Variants in JAK1 observed in about 807,000 individuals in gnomAD.
JAK1 encodes the protein tyrosine-protein kinase JAK1.
Under a neutral mutation model 136.6 loss-of-function variants are expected in JAK1, and 16 were observed. The ratio of observed to expected loss-of-function variants is 0.12; its 90% CI spans 0.08 to 0.18. The LOEUF (loss-of-function observed/expected upper bound fraction) is 0.18. JAK1 is among the 10% of genes least tolerant of loss of function. JAK1 has a pLI of 1.00. For missense variants in JAK1, 859 were observed against 1,450.1 expected (o/e 0.59, Z 6.62); for synonymous variants, 492 against 519.5 (o/e 0.95, Z 0.72).
chr1:64,842,666 C>G (rs1462636775), intron 17 of JAK1, among the ~76,000 whole-genome samples: 2 of 152,198 alleles, frequency 1.3e-5, no homozygotes, highest in African/African-American at 2.4e-5. Context: ...ACCCTGTATG[C>G]TGTTCAGCCC....
Position 64,976,188 on chromosome 1 carries a change from A to G in JAK1, c.-78+68292T>C, listed in dbSNP as rs1646496234. Among the ~76,000 whole-genome samples, 7 of 152,196 alleles carry G rather than the reference A, an allele frequency of 4.6e-5. No homozygotes were observed. The South Asian group carries it at 1.5e-3, about 32-fold the overall frequency. ...CTCTGATTCAATGCATATCCTGTAG[A>G]ATGTCATCCCAGCCTATTAGAGGGT... On this transcript the variant is annotated intron_variant, in intron 2 of 25. Coordinates refer to the JAK1 transcript ENST00000671954.
chr1:65,043,913 G>C (rs1647159839), intron 2 of JAK1, among the ~76,000 whole-genome samples: 1 of 151,946 alleles, frequency 6.6e-6, no homozygotes, highest in Non-Finnish European at 1.5e-5. Flanking sequence ...ATAAAGATAG[G>C]GTTTCACCAT....
At chr1:65,062,643 AAC>A in intron 1 of JAK1, among the ~76,000 whole-genome samples, 1 of 152,334 alleles carries the variant, frequency 6.6e-6, no homozygotes, top group East Asian at 1.9e-4. Flanking sequence ...ACTAACTAGT[AAC>A]ACATGCCACA....
At chr1:64,930,968 G>C (rs1459976684) in intron 1 of JAK1, among the ~76,000 whole-genome samples, 2 of 151,584 alleles carry the variant, frequency 1.3e-5, no homozygotes, top group African/African-American at 4.8e-5. Flanking sequence ...TGGATGCAGG[G>C]AGGGGAACAT....
intron 1 of JAK1, among the ~76,000 whole-genome samples, chr1:65,045,150 A>AT (rs1183779626): frequency 3.3e-5 from 5 of 152,186 alleles, no homozygotes; most frequent in African/African-American, 1.2e-4. Context: ...GAGTTCTTGT[A>AT]TTGGGTCATA....
chr1:64,957,900 C>T (rs1335692571), intron 1 of JAK1, among the ~76,000 whole-genome samples: 2 of 151,890 alleles, frequency 1.3e-5, no homozygotes, highest in African/African-American at 2.4e-5. Flanking sequence ...GCCGAGATAG[C>T]GCCACTGCAG....
intron 2 of JAK1, chr1:65,003,617 A>G (rs1646780329): frequency 6.6e-6 from 1 of 152,164 alleles, no homozygotes; most frequent in Non-Finnish European, 1.5e-5. Flanking sequence ...GAGAAAACCT[A>G]GAGGTTAAGT....
At chr1:64,839,896 G>C in intron 19 of JAK1, 101 bp from the exon 20 acceptor site, 1 of 970,192 alleles carries the variant, frequency 1.0e-6, no homozygotes, top group South Asian at 1.8e-5. Context: ...TGAGGGCCAG[G>C]GGTTCTCGCT....
chr1:64,965,797 A>G (rs567358592), intron 1 of JAK1, among the ~76,000 whole-genome samples: 95 of 151,682 alleles, frequency 6.3e-4, no homozygotes, highest in Non-Finnish European at 1.3e-3. Context: ...GCGGACGCCC[A>G]ACACCCAGCT....
In JAK1 at chr1:65,005,833, G is replaced by A. The variant is rs375192747; in HGVS notation, c.-78+38647C>T. Among the ~76,000 whole-genome samples, 19 of 152,094 alleles carry A rather than the reference G, an allele frequency of 1.2e-4. 1 individual carries two copies. Among genetic ancestry groups the A allele is most frequent in the Admixed American group, 3.3e-4 (5 of 15,264 alleles). On this transcript the variant is annotated intron_variant, in intron 2 of 25. Transcript: ENST00000671954. Reference sequence around the variant, plus strand: ...ATAAAATGTATATGGAAGTGCAAAGGGCCAAAATTAGCCAAGATGGTCTTG... The same window carrying A: ...ATAAAATGTATATGGAAGTGCAAAGAGCCAAAATTAGCCAAGATGGTCTTG...
At chr1:64,871,508 C>A (rs748808754) in intron 5 of JAK1, among the ~76,000 whole-genome samples, 1 of 152,198 alleles carries the variant, frequency 6.6e-6, no homozygotes, top group African/African-American at 2.4e-5. Flanking sequence ...TACTTGAAAT[C>A]TCCACTTGTA....
intron 1 of JAK1, among the ~76,000 whole-genome samples, chr1:64,948,145 T>A (rs1485540699): frequency 6.6e-6 from 1 of 152,218 alleles, no homozygotes; most frequent in Non-Finnish European, 1.5e-5. Flanking sequence ...TTACTATAGG[T>A]TGCCTTGGTT....
At chr1:64,939,879 T>A (rs1569634166) in intron 1 of JAK1, among the ~76,000 whole-genome samples, 1 of 152,346 alleles carries the variant, frequency 6.6e-6, no homozygotes, top group African/African-American at 2.4e-5. Flanking sequence ...TATTTCTTTA[T>A]AAATAAAGAC....
intron 6 of JAK1, among the ~76,000 whole-genome samples, chr1:64,868,444 CAGAATT>C (rs1656847276): frequency 6.6e-6 from 1 of 152,056 alleles, no homozygotes; most frequent in Non-Finnish European, 1.5e-5. Flanking sequence ...TGTAATATAA[CAGAATT>C]AGAGAAGAAC....
upstream of JAK1, among the ~76,000 whole-genome samples, chr1:64,968,459 G>GCAGGAGT (rs1312145715): frequency 6.6e-6 from 1 of 152,170 alleles, no homozygotes; most frequent in East Asian, 1.9e-4. Context: ...CCGACAGGAG[G>GCAGGAGT]CAGGAGTCAG....
At chr1:64,943,129 C>G (rs1273399367) in intron 1 of JAK1, among the ~76,000 whole-genome samples, 1 of 152,086 alleles carries the variant, frequency 6.6e-6, no homozygotes, top group Non-Finnish European at 1.5e-5. Flanking sequence ...AATAACTAAA[C>G]TTTATTATAT....
At chr1:65,031,882 T>G (rs985037353) in intron 2 of JAK1, among the ~76,000 whole-genome samples, 6 of 152,050 alleles carry the variant, frequency 3.9e-5, no homozygotes, top group African/African-American at 1.2e-4. Context: ...AATTAAAAAT[T>G]AAAGAAATGT....
chr1:65,008,289 G>A (rs761675652), intron 2 of JAK1, among the ~76,000 whole-genome samples: 12 of 152,186 alleles, frequency 7.9e-5, no homozygotes, highest in Non-Finnish European at 5.9e-5. Context: ...TGTATGGTGT[G>A]TCCTAGTAAC....
chr1:64,903,820 C>T (rs1417156339), intron 1 of JAK1, among the ~76,000 whole-genome samples: 2 of 152,136 alleles, frequency 1.3e-5, no homozygotes, highest in Non-Finnish European at 2.9e-5. Context: ...GTGTTGTAAT[C>T]CACACATCTG....
Sources: gnomAD v4.1 joint callset for allele counts (sites outside exome capture counted in the v4.1 genomes callset) on GRCh38, gnomAD v4.1.1 for gene constraint, MANE v1.5 for transcripts, NCBI Gene and HGNC (gene_info 2026-07-23, HGNC 2026-07-21) for gene names.